CDH12: variants seen among roughly 807,000 people sequenced by gnomAD.
The protein encoded by CDH12 is cadherin-12.
Under a neutral mutation model 74.1 loss-of-function variants are expected in CDH12, and 41 were observed. The ratio of observed to expected loss-of-function variants is 0.55; its 90% CI spans 0.43 to 0.72. The LOEUF is 0.72. CDH12 is among the 30% of genes least tolerant of loss of function. The pLI, the probability that CDH12 is intolerant of heterozygous loss-of-function variation, is 0.00. For synonymous variants in CDH12, 399 were observed against 355.0 expected (o/e 1.12, Z -1.39); for missense variants, 945 against 977.2 (o/e 0.97, Z 0.44).
intron 1 of CDH12, among the ~76,000 whole-genome samples, chr5:22,811,793 G>A (rs921081896): frequency 6.6e-6 from 1 of 152,060 alleles, no homozygotes; most frequent in Non-Finnish European, 1.5e-5. Context: ...ACTCAGAAGA[G>A]GGAAATTATG....
rs77325750 is a variant in CDH12, at chr5:21,825,873, T to G, written c.815-8741A>C. 5.4e-3 allele frequency among the ~76,000 whole-genome samples: 825 copies of G among 152,294 alleles called. 7 individuals carry two copies. The highest frequency in any genetic ancestry group is 0.018 in the African/African-American group (767 of 41,568). ...CCTTGCCAGATTCCTTTGTGGAAAT[T>G]CTTAGAAAAGATCTGGATAAGTGAT... On this transcript the variant is annotated intron_variant, in intron 8 of 14. Transcript: ENST00000382254.
intron 1 of CDH12, among the ~76,000 whole-genome samples, chr5:22,849,106 TG>T (rs1737435804): frequency 6.6e-6 from 1 of 152,140 alleles, no homozygotes. Context: ...CAGCTGTGGC[TG>T]TAGTTATCCT....
chr5:22,058,015 AT>A (rs2150201633), intron 5 of CDH12, among the ~76,000 whole-genome samples: 1 of 144,536 alleles, frequency 6.9e-6, no homozygotes, highest in Non-Finnish European at 1.5e-5. Flanking sequence ...CTATCTATCT[AT>A]CTATCTATCT....
At chr5:21,973,504 C>A (rs1367580805) in intron 6 of CDH12, among the ~76,000 whole-genome samples, 2 of 152,190 alleles carry the variant, frequency 1.3e-5, no homozygotes, top group Non-Finnish European at 2.9e-5. Flanking sequence ...GGCTCCAACT[C>A]TGCAGCCCTA....
At chr5:22,025,428 A>G (rs935134267) in intron 5 of CDH12, among the ~76,000 whole-genome samples, 2 of 152,176 alleles carry the variant, frequency 1.3e-5, no homozygotes, top group African/African-American at 4.8e-5. Flanking sequence ...ATATCTAAAG[A>G]AAATGCACAC....
At chr5:22,209,279 G>C (rs551542949) in intron 4 of CDH12, among the ~76,000 whole-genome samples, 1 of 152,256 alleles carries the variant, frequency 6.6e-6, no homozygotes, top group East Asian at 1.9e-4. Flanking sequence ...AACATGATTA[G>C]CTACACTAAA....
At chr5:22,292,773 C>G (rs1737450349) in intron 3 of CDH12, among the ~76,000 whole-genome samples, 1 of 152,048 alleles carries the variant, frequency 6.6e-6, no homozygotes, top group Non-Finnish European at 1.5e-5. Context: ...TGTAGAAAAA[C>G]AAGAATCCTA....
chr5:22,756,994 T>C (rs1745958503), intron 1 of CDH12, among the ~76,000 whole-genome samples: 1 of 152,124 alleles, frequency 6.6e-6, no homozygotes, highest in Admixed American at 6.5e-5. Flanking sequence ...CTTTGTACAT[T>C]GCATTCCTTA....
intron 2 of CDH12, among the ~76,000 whole-genome samples, chr5:22,488,280 C>A (rs1169090379): frequency 6.6e-6 from 1 of 152,110 alleles, no homozygotes; most frequent in Non-Finnish European, 1.5e-5. Flanking sequence ...ATATAGATGG[C>A]CATTTATGGA....
At chr5:22,480,673 C>T (rs1039559620) in intron 2 of CDH12, among the ~76,000 whole-genome samples, 1 of 151,832 alleles carries the variant, frequency 6.6e-6, no homozygotes, top group African/African-American at 2.4e-5. Context: ...TTAACCCTAA[C>T]AGAAGTGCAT....
At chr5:21,885,617 T>C (rs567881106) in intron 6 of CDH12, among the ~76,000 whole-genome samples, 1 of 152,230 alleles carries the variant, frequency 6.6e-6, no homozygotes, top group Non-Finnish European at 1.5e-5. Flanking sequence ...TGTGTATTGA[T>C]TTATATGAGT....
chr5:22,219,221 A>G (rs781067257), intron 3 of CDH12, among the ~76,000 whole-genome samples: 36 of 151,754 alleles, frequency 2.4e-4, no homozygotes, highest in Non-Finnish European at 2.4e-4. Flanking sequence ...GGGCTTTCTC[A>G]ACCTCTAAAT....
At chr5:22,417,507 C>G (rs1262671100) in intron 2 of CDH12, among the ~76,000 whole-genome samples, 2 of 152,192 alleles carry the variant, frequency 1.3e-5, no homozygotes, top group Non-Finnish European at 2.9e-5. Flanking sequence ...AGCAAGAAGG[C>G]CCTCGCCAGA....
intron 1 of CDH12, among the ~76,000 whole-genome samples, chr5:22,588,960 A>T (rs1417203957): frequency 6.6e-6 from 1 of 152,188 alleles, no homozygotes; most frequent in Non-Finnish European, 1.5e-5. Context: ...TCTTTAAAAA[A>T]TAGTTCACCT....
chr5:22,261,480 T>C (rs953648560), intron 3 of CDH12, among the ~76,000 whole-genome samples: 3 of 151,978 alleles, frequency 2.0e-5, no homozygotes, highest in African/African-American at 7.2e-5. Context: ...TGAAGTAATA[T>C]CAGCATTTTC....
At chr5:22,445,465 T>C (rs1216762518) in intron 2 of CDH12, among the ~76,000 whole-genome samples, 1 of 152,132 alleles carries the variant, frequency 6.6e-6, no homozygotes, top group African/African-American at 2.4e-5. Flanking sequence ...CAATGGCATG[T>C]CACAAGGATT....
At chr5:21,911,046 G>A (rs1048524475) in intron 6 of CDH12, among the ~76,000 whole-genome samples, 3 of 152,160 alleles carry the variant, frequency 2.0e-5, no homozygotes, top group South Asian at 2.1e-4. Context: ...AAATTATTTT[G>A]CAAAGTTAAT....
At position 22,584,760 on chromosome 5, in the gene CDH12, C is replaced by T. The variant is rs116086561; in HGVS notation, c.-522-79396G>A. Reference sequence around the variant, plus strand: ...TTTCTTTCTCTATAAGTTATAGGCTCTTACTATCTATTGAAATAGGTAGCC... The same window carrying T: ...TTTCTTTCTCTATAAGTTATAGGCTTTTACTATCTATTGAAATAGGTAGCC... On this transcript the variant is annotated intron_variant, in intron 1 of 14. Coordinates refer to ENST00000382254, the MANE Select transcript of CDH12 (RefSeq NM_004061.5). 8.0e-3 allele frequency among the ~76,000 whole-genome samples: 1,215 copies of T among 152,130 alleles called. 14 individuals are homozygous for T. The highest frequency in any genetic ancestry group is 0.028 in the African/African-American group (1,176 of 41,500).
chr5:21,833,293 AAT>A (rs1257400712), intron 8 of CDH12, among the ~76,000 whole-genome samples: 1 of 56,616 alleles, frequency 1.8e-5, no homozygotes, highest in African/African-American at 1.6e-4. Context: ...TATAACATAT[AAT>A]ATATATTATA....
Sources: gnomAD v4.1 joint callset for allele counts (sites outside exome capture counted in the v4.1 genomes callset) on GRCh38, gnomAD v4.1.1 for gene constraint, MANE v1.5 for transcripts, NCBI Gene and HGNC (gene_info 2026-07-23, HGNC 2026-07-21) for gene names.